The following LARP4B variants were observed in gnomAD, a reference collection of about 807,000 sequenced individuals.
The protein encoded by LARP4B is la-related protein 4B.
Under a neutral mutation model 89.8 loss-of-function variants are expected in LARP4B, and 12 were observed. The ratio of observed to expected loss-of-function variants is 0.13; its 90% CI spans 0.09 to 0.22. The LOEUF (loss-of-function observed/expected upper bound fraction) is 0.22. LARP4B is among the 10% of genes least tolerant of loss of function. The pLI, the probability that LARP4B is intolerant of heterozygous loss-of-function variation, is 1.00. For synonymous variants in LARP4B, 367 were observed against 363.3 expected, an observed-to-expected ratio of 1.01 and a Z score of -0.12; for missense variants, 757 against 947.7, an observed-to-expected ratio of 0.80 and a Z score of 2.64.
At chr10:888,576 C>CA (rs1835930563) in intron 1 of LARP4B, among the ~76,000 whole-genome samples, 1 of 152,104 alleles carries the variant, frequency 6.6e-6, no homozygotes, top group Non-Finnish European at 1.5e-5. Flanking sequence ...TTTCCAGTCA[C>CA]AAAAATATCA....
At chr10:906,553 T>C (rs1297906589) in intron 1 of LARP4B, among the ~76,000 whole-genome samples, 1 of 150,806 alleles carries the variant, frequency 6.6e-6, no homozygotes, top group Non-Finnish European at 1.5e-5. Context: ...GGCCACGGTA[T>C]GTGTGCAAAG....
intron 1 of LARP4B, among the ~76,000 whole-genome samples, chr10:887,714 A>G (rs1835901215): frequency 6.6e-6 from 1 of 151,698 alleles, no homozygotes. Context: ...CCATCAAAAC[A>G]ATAAAAAATA....
intron 5 of LARP4B, among the ~76,000 whole-genome samples, chr10:849,049 T>A (rs960154080): frequency 6.6e-6 from 1 of 152,136 alleles, no homozygotes; most frequent in African/African-American, 2.4e-5. Flanking sequence ...TGCTGTGCTC[T>A]ATGTGAAGCA....
chr10:960,552 T>TA, the LARP4B span, among the ~76,000 whole-genome samples: 2 of 150,900 alleles, frequency 1.3e-5, no homozygotes, highest in Non-Finnish European at 3.0e-5. Context: ...ACTAAAAATA[T>TA]AAAAAAAATT....
At chr10:807,415 A>T (rs1564369974), downstream of LARP4B, 2 of 152,296 alleles carry the variant, frequency 1.3e-5, no homozygotes, top group Non-Finnish European at 2.9e-5. Context: ...ATGAAAATGC[A>T]TCTCTGTGGG....
At chr10:948,074 G>A in the LARP4B span, among the ~76,000 whole-genome samples, 6 of 152,112 alleles carry the variant, frequency 3.9e-5, no homozygotes, top group African/African-American at 1.2e-4. Flanking sequence ...GAGCTGCGCC[G>A]ACTGCCCACC....
At chr10:900,009 GAA>G (rs906640150) in intron 1 of LARP4B, among the ~76,000 whole-genome samples, 1 of 140,280 alleles carries the variant, frequency 7.1e-6, no homozygotes. Context: ...AAATTGATCA[GAA>G]AAAAAAAAAA....
chr10:940,673 G>A, the LARP4B span, among the ~76,000 whole-genome samples: 2 of 152,248 alleles, frequency 1.3e-5, no homozygotes, highest in African/African-American at 4.8e-5. Flanking sequence ...CATTTGTGGG[G>A]TACATAAGAA....
At chr10:825,358 T>G (rs1245437314) in intron 12 of LARP4B, 42 bp from the exon 13 acceptor site, 1 of 1,593,530 alleles carries the variant, frequency 6.3e-7, no homozygotes, top group East Asian at 2.2e-5. Context: ...TATAAAATGA[T>G]CAAGGCATTA....
intron 5 of LARP4B, among the ~76,000 whole-genome samples, chr10:862,653 A>T (rs538661932): frequency 6.6e-6 from 1 of 152,068 alleles, no homozygotes; most frequent in Non-Finnish European, 1.5e-5. Flanking sequence ...CCAGCTACTC[A>T]GGAGGCTGAG....
intron 3 of LARP4B, among the ~76,000 whole-genome samples, chr10:868,237 T>C (rs925963583): frequency 6.6e-6 from 1 of 151,870 alleles, no homozygotes; most frequent in Non-Finnish European, 1.5e-5. Flanking sequence ...GAAAGAAACA[T>C]TCCATGCAAG....
the LARP4B span, among the ~76,000 whole-genome samples, chr10:954,202 C>T: frequency 6.6e-6 from 1 of 152,164 alleles, no homozygotes; most frequent in Non-Finnish European, 1.5e-5. The surrounding 1 kb of genome is among the most constrained non-coding windows in gnomAD (Gnocchi z 5.0). Context: ...TCGAGACCAC[C>T]TACAGCTTCA....
At chr10:871,339 G>C (rs148053696) in intron 3 of LARP4B, among the ~76,000 whole-genome samples, 2 of 152,082 alleles carry the variant, frequency 1.3e-5, no homozygotes, top group Non-Finnish European at 2.9e-5. Flanking sequence ...ACTTGCCATC[G>C]GGGGGCACTC....
At chr10:932,911 C>T (rs1830694089), upstream of LARP4B, 1 of 152,116 alleles carries the variant, frequency 6.6e-6, no homozygotes, top group African/African-American at 2.4e-5. Context: ...ACCCCCAACC[C>T]ACACCCGGGA....
intron 1 of LARP4B, among the ~76,000 whole-genome samples, chr10:908,510 C>T (rs920380820): frequency 3.3e-5 from 5 of 151,908 alleles, no homozygotes; most frequent in South Asian, 2.1e-4. Context: ...TCAGAAGGGG[C>T]AGTCTTGTAG....
the LARP4B span, among the ~76,000 whole-genome samples, chr10:938,508 C>T: frequency 2.0e-5 from 3 of 152,166 alleles, no homozygotes; most frequent in South Asian, 4.1e-4. Context: ...CCGCCTCGGC[C>T]TCCCAAAGTG....
intron 1 of LARP4B, among the ~76,000 whole-genome samples, chr10:907,234 T>A (rs1836518192): frequency 6.6e-6 from 1 of 152,230 alleles, no homozygotes; most frequent in African/African-American, 2.4e-5. Flanking sequence ...AAAATCTCAG[T>A]AAATACATTA....
At chr10:882,641 T>C (rs765659058) in intron 3 of LARP4B, among the ~76,000 whole-genome samples, 17 of 152,224 alleles carry the variant, frequency 1.1e-4, no homozygotes, top group African/African-American at 1.4e-4. Context: ...TACAGTCTAA[T>C]AGAGATCACT....
Position 813,895 on chromosome 10 carries a change from G to A in LARP4B, c.1930-682C>T, listed in dbSNP as rs1039329326. ...CAGCTCACTGCAACCTCTGCCTTCCGGGTTCAAGTGATTCTCCTGCCTCAG... is the reference window on the plus strand; with the variant it reads ...CAGCTCACTGCAACCTCTGCCTTCCAGGTTCAAGTGATTCTCCTGCCTCAG... On this transcript the variant is annotated intron_variant, in intron 17 of 17. Coordinates refer to ENST00000316157, the MANE Select transcript of LARP4B (RefSeq NM_015155.3). 6.0e-5 allele frequency among the ~76,000 whole-genome samples: 9 copies of A among 150,578 alleles called. No individual in the cohort carries two copies. The South Asian group carries it at 6.3e-4, about 11-fold the overall frequency.
Sources: allele counts gnomAD v4.1 joint callset (sites outside exome capture counted in the v4.1 genomes callset), GRCh38; gene constraint gnomAD v4.1.1; non-coding constraint Gnocchi (gnomAD v3.1); transcripts MANE v1.5; gene names NCBI Gene and HGNC (gene_info 2026-07-23, HGNC 2026-07-21).